CEMIP2: variants seen among roughly 807,000 people sequenced by gnomAD.
CEMIP2 encodes cell migration inducing hyaluronidase 2, also known as cell surface hyaluronidase CEMIP2.
Under a neutral mutation model 146.9 loss-of-function variants are expected in CEMIP2, and 79 were observed. That is an observed-to-expected ratio of 0.54 (90% CI 0.45 to 0.65). The LOEUF is 0.65. Ranked by LOEUF, CEMIP2 falls within the 30% of genes least tolerant of loss-of-function variation. The pLI, the probability that CEMIP2 is intolerant of heterozygous loss-of-function variation, is 0.00. For synonymous variants in CEMIP2, 601 were observed against 606.3 expected, an observed-to-expected ratio of 0.99 and a Z score of 0.13; for missense variants, 1,596 against 1,696.2, an observed-to-expected ratio of 0.94 and a Z score of 1.04.
intron 10 of CEMIP2, among the ~76,000 whole-genome samples, chr9:71,728,223 C>CTATATA (rs1349642702): frequency 9.0e-5 from 2 of 22,212 alleles, no homozygotes; most frequent in Non-Finnish European, 2.3e-4. Context: ...CTCTCTCTCT[C>CTATATA]TCTCTCTCTA....
At chr9:71,736,854 C>T (rs1481118546) in intron 5 of CEMIP2, among the ~76,000 whole-genome samples, 2 of 152,140 alleles carry the variant, frequency 1.3e-5, no homozygotes, top group Non-Finnish European at 2.9e-5. Context: ...GTCTAATTAA[C>T]AGCATACTAC....
At chr9:71,759,489 G>A (rs984627272) in intron 1 of CEMIP2, among the ~76,000 whole-genome samples, 11 of 152,152 alleles carry the variant, frequency 7.2e-5, no homozygotes, top group Admixed American at 3.9e-4. Flanking sequence ...CCTTCAGAAG[G>A]AAAACCCAAC....
chr9:71,711,653 T>C (rs887917434), intron 16 of CEMIP2, among the ~76,000 whole-genome samples: 1 of 152,142 alleles, frequency 6.6e-6, no homozygotes, highest in Admixed American at 6.6e-5. Flanking sequence ...GCCACAGTAT[T>C]CTGCTTTATT....
intron 20 of CEMIP2, among the ~76,000 whole-genome samples, chr9:71,696,242 A>G (rs1822396749): frequency 6.6e-6 from 1 of 152,200 alleles, no homozygotes; most frequent in South Asian, 2.1e-4. Flanking sequence ...TAACAAATCC[A>G]GCTTGAGAAT....
At chr9:71,701,542 G>T (rs996907659) in intron 18 of CEMIP2, among the ~76,000 whole-genome samples, 9 of 152,114 alleles carry the variant, frequency 5.9e-5, no homozygotes, top group African/African-American at 2.2e-4. Flanking sequence ...ACTAATATAT[G>T]GAGAGTGGAA....
chr9:71,731,396 A>G (rs1823612379), intron 7 of CEMIP2, among the ~76,000 whole-genome samples: 1 of 152,182 alleles, frequency 6.6e-6, no homozygotes, highest in South Asian at 2.1e-4. Flanking sequence ...TAGATTTTCA[A>G]TCGTATTACT....
At chr9:71,740,698 T>A (rs1034314309) in intron 4 of CEMIP2, among the ~76,000 whole-genome samples, 1 of 152,210 alleles carries the variant, frequency 6.6e-6, no homozygotes, top group African/African-American at 2.4e-5. Context: ...AAGGGAATCA[T>A]GTTAATAATT....
intron 17 of CEMIP2, among the ~76,000 whole-genome samples, chr9:71,706,407 G>A (rs1457881169): frequency 6.6e-6 from 1 of 151,986 alleles, no homozygotes; most frequent in Non-Finnish European, 1.5e-5. Context: ...CAAATTCTCA[G>A]GAGTAAATTT....
intron 21 of CEMIP2, among the ~76,000 whole-genome samples, chr9:71,693,079 T>C (rs1377147691): frequency 6.6e-6 from 1 of 152,146 alleles, no homozygotes; most frequent in Non-Finnish European, 1.5e-5. Context: ...AACTGCCCAC[T>C]TGAGAATGGT....
chr9:71,757,009 G>A (rs1474883439), intron 1 of CEMIP2, among the ~76,000 whole-genome samples: 2 of 152,132 alleles, frequency 1.3e-5, no homozygotes, highest in Admixed American at 1.3e-4. Flanking sequence ...CTTTAAAAGG[G>A]ATTTTAGTGT....
chr9:71,728,193 T>TTC (rs369654117), intron 10 of CEMIP2, among the ~76,000 whole-genome samples: 981 of 29,584 alleles, frequency 0.033, 70 homozygotes, highest in African/African-American at 0.041. Flanking sequence ...CAGCGAAACC[T>TTC]TCTCTCTCTC....
intron 6 of CEMIP2, among the ~76,000 whole-genome samples, chr9:71,733,789 C>T (rs1027236): frequency 0.45 from 68,314 of 151,876 alleles, 18,165 homozygotes; most frequent in East Asian, 0.6. Flanking sequence ...AATGAGTGCC[C>T]GGTAAGTGTC....
rs541006338 is a variant in CEMIP2, at chr9:71,718,397, A to G, written c.2268-318T>C. On this transcript the variant is annotated intron_variant, in intron 12 of 23. Coordinates refer to ENST00000377044, the MANE Select transcript of CEMIP2 (RefSeq NM_013390.3). ...ATCAGGAAGTATGTCATGTGTGTTT[A>G]CAAATCCTTAAGGTACATGTTACCA... 3.9e-5 allele frequency among the ~76,000 whole-genome samples: 6 copies of G among 152,318 alleles called. 1 individual carries two copies. The highest frequency in any genetic ancestry group is 1.4e-4 in the African/African-American group (6 of 41,572).
chr9:71,756,275 T>C (rs1824447090), intron 1 of CEMIP2, among the ~76,000 whole-genome samples: 1 of 147,664 alleles, frequency 6.8e-6, no homozygotes, highest in Non-Finnish European at 1.5e-5. Context: ...TACACACGTA[T>C]ATGTATATAC....
chr9:71,730,910 A>C lies in CEMIP2; in HGVS notation c.1568T>G (p.Met523Arg). 6.2e-7 allele frequency: 1 copy of C among 1,614,090 alleles called. No individual in the cohort carries two copies. Among genetic ancestry groups the C allele is most frequent in the Non-Finnish European group, 8.5e-7 (1 of 1,179,912 alleles). ...YDTFGGHIMI[M>R]KNFTSVHLSY... is the part of the protein sequence containing the mutation. ...AAGATGGACTGAAGTAAAATTTTTC[A>C]TTATCTGTAAGTCAAGGTACTAAAA... is the stretch of plus-strand genomic sequence containing the variant. Residue 523 changes from methionine to arginine, a missense_variant, in exon 8 of 24, where the codon ATG becomes AGG. By Grantham distance (91) the Met-to-Arg change is moderately conservative (BLOSUM62 -1). Transcript: ENST00000377044.
In CEMIP2 at chr9:71,745,470, G is replaced by A; in HGVS notation, c.582C>T (p.Cys194=). The A allele has an allele frequency of 6.2e-7, 1 of 1,613,538 alleles. No individual in the cohort carries two copies. The highest frequency in any genetic ancestry group is 2.2e-5 in the East Asian group (1 of 44,846). Residue 194 remains cysteine (C), a synonymous_variant, in exon 4 of 24, where the codon TGC becomes TGT. Transcript: ENST00000377044. ...GGALHIGAEK[C]RYKSKATITL... ...TAATTGTCGCTTTGGATTTATAGCG[G>A]CATTTTTCTGCTCCAATATGAAGCG...
At chr9:71,697,006 C>T (rs982280439) in intron 20 of CEMIP2, among the ~76,000 whole-genome samples, 1 of 152,006 alleles carries the variant, frequency 6.6e-6, no homozygotes, top group Admixed American at 6.6e-5. Flanking sequence ...AGGCAGTATG[C>T]ATATTTGTGG....
chr9:71,752,924 G>A (rs923222124), intron 1 of CEMIP2, among the ~76,000 whole-genome samples: 9 of 152,078 alleles, frequency 5.9e-5, no homozygotes, highest in Non-Finnish European at 1.2e-4. Context: ...TGGTTTGTGG[G>A]GTTTGATTTC....
In CEMIP2 at chr9:71,725,339, G is replaced by A. The variant is rs780394054; in HGVS notation, c.2178+242C>T. Among the ~76,000 whole-genome samples the A allele has an allele frequency of 7.9e-5, 12 of 151,998 alleles. No individual in the cohort carries two copies. The East Asian group carries it at 1.2e-3, about 15-fold the overall frequency. ...AGCAAATTTGTTCTATAGCTCTCTC[G>A]CCTTCTCCTTGCCCTTCTACCGTGG... On this transcript the variant is annotated intron_variant, in intron 11 of 23. Transcript: ENST00000377044.
Sources: allele counts gnomAD v4.1 joint callset (sites outside exome capture counted in the v4.1 genomes callset), GRCh38; gene constraint gnomAD v4.1.1; transcripts MANE v1.5; gene names NCBI Gene and HGNC (gene_info 2026-07-23, HGNC 2026-07-21).